LINGO2: variants seen among roughly 807,000 people sequenced by gnomAD.
The protein encoded by LINGO2 is leucine-rich repeat and immunoglobulin-like domain-containing nogo receptor-interacting protein 2.
In LINGO2, 14 loss-of-function variants were observed where a neutral mutation model predicts 30.6. That is an observed-to-expected ratio of 0.46 (90% confidence interval 0.30 to 0.72). The LOEUF (loss-of-function observed/expected upper bound fraction) is 0.72. LINGO2 is among the 30% of genes least tolerant of loss of function. LINGO2 has a pLI of 0.07. For synonymous variants in LINGO2, 317 were observed against 288.5 expected, an observed-to-expected ratio of 1.10 and a Z score of -1.00; for missense variants, 729 against 751.7, an observed-to-expected ratio of 0.97 and a Z score of 0.35.
the LINGO2 span, among the ~76,000 whole-genome samples, chr9:28,735,521 T>C: frequency 6.6e-6 from 1 of 152,182 alleles, no homozygotes; most frequent in Non-Finnish European, 1.5e-5. Context: ...GCTTCTATTA[T>C]GGCTCAAATC....
At chr9:28,958,339 A>G in the LINGO2 span, among the ~76,000 whole-genome samples, 1 of 152,238 alleles carries the variant, frequency 6.6e-6, no homozygotes, top group Non-Finnish European at 1.5e-5. Flanking sequence ...CAAATTATTA[A>G]CAAAATATTT....
At chr9:27,950,584 C>T (rs758345053) in exon 6 of LINGO2, 10 of 1,528,776 alleles carry the variant, frequency 6.5e-6, no homozygotes, top group South Asian at 3.9e-5. Context: ...TCACAGCGAG[C>T]GGGGCAGCCA....
chr9:28,788,964 T>A, the LINGO2 span, among the ~76,000 whole-genome samples: 1 of 152,100 alleles, frequency 6.6e-6, no homozygotes, highest in South Asian at 2.1e-4. Flanking sequence ...AAGTAAAGTA[T>A]TTTTTTTCTA....
intron 2 of LINGO2, among the ~76,000 whole-genome samples, chr9:28,452,779 C>A (rs1023103826): frequency 3.3e-5 from 5 of 151,646 alleles, no homozygotes; most frequent in Non-Finnish European, 7.4e-5. Flanking sequence ...ACAGTCTAGA[C>A]AAAATGTAAG....
At chr9:28,383,254 T>TTTTGTGTGTGTGTGTGTG (rs1554714265) in intron 2 of LINGO2, among the ~76,000 whole-genome samples, 28 of 73,710 alleles carry the variant, frequency 3.8e-4, no homozygotes, top group African/African-American at 9.0e-4. Flanking sequence ...TCACCATTCA[T>TTTTGTGTGTGTGTGTGTG]TGTGTGTGTG....
At chr9:29,142,198 C>T in the LINGO2 span, among the ~76,000 whole-genome samples, 1 of 150,100 alleles carries the variant, frequency 6.7e-6, no homozygotes, top group Non-Finnish European at 1.5e-5. Context: ...TGAAATCATA[C>T]CAAGTTTCTT....
At chr9:28,083,963 T>G (rs1825841010) in intron 4 of LINGO2, among the ~76,000 whole-genome samples, 1 of 152,194 alleles carries the variant, frequency 6.6e-6, no homozygotes, top group Admixed American at 6.5e-5. Flanking sequence ...TATAATCTGT[T>G]TTTTAATTAA....
the LINGO2 span, among the ~76,000 whole-genome samples, chr9:28,854,434 G>A: frequency 6.6e-6 from 1 of 151,928 alleles, no homozygotes; most frequent in South Asian, 2.1e-4. Flanking sequence ...GAAAAATTGT[G>A]CTTGTGCTTT....
chr9:28,732,301 C>A, the LINGO2 span, among the ~76,000 whole-genome samples: 2 of 151,882 alleles, frequency 1.3e-5, no homozygotes, highest in Non-Finnish European at 2.9e-5. Flanking sequence ...TTTTGCCAAC[C>A]CAGATGCAAA....
chr9:29,165,857 G>A, the LINGO2 span, among the ~76,000 whole-genome samples: 1 of 152,022 alleles, frequency 6.6e-6, no homozygotes. Flanking sequence ...GATCTTTGAA[G>A]TCTGATTTTC....
the LINGO2 span, among the ~76,000 whole-genome samples, chr9:29,031,542 C>CA: frequency 6.6e-6 from 1 of 151,994 alleles, no homozygotes. Flanking sequence ...CTCTGCCTCC[C>CA]AAAATGCTGA....
chr9:28,637,789 T>C (rs1474541307), intron 1 of LINGO2, among the ~76,000 whole-genome samples: 2 of 152,168 alleles, frequency 1.3e-5, no homozygotes, highest in Non-Finnish European at 2.9e-5. Flanking sequence ...TGACTTCCTC[T>C]TTTCCTAATT....
the LINGO2 span, among the ~76,000 whole-genome samples, chr9:29,188,697 G>C: frequency 1.5e-3 from 184 of 124,066 alleles, 3 homozygotes; most frequent in Middle Eastern, 4.0e-3. Flanking sequence ...CTGGCCAGGC[G>C]GGGGGCTGAC....
At chr9:28,567,421 T>C (rs916398126) in intron 1 of LINGO2, among the ~76,000 whole-genome samples, 2 of 151,968 alleles carry the variant, frequency 1.3e-5, no homozygotes, top group Admixed American at 6.6e-5. Context: ...TGGGCTGGAT[T>C]AAACAAAAAG....
At chr9:29,116,423 T>C in the LINGO2 span, among the ~76,000 whole-genome samples, 1 of 151,902 alleles carries the variant, frequency 6.6e-6, no homozygotes, top group Admixed American at 6.6e-5. Flanking sequence ...AAAATCCATA[T>C]AATTTGTATT....
At chr9:29,127,645 A>C in the LINGO2 span, among the ~76,000 whole-genome samples, 3 of 151,996 alleles carry the variant, frequency 2.0e-5, no homozygotes, top group Non-Finnish European at 2.9e-5. Context: ...ATCTTTCAGC[A>C]GCTGTTTCCT....
intron 4 of LINGO2, among the ~76,000 whole-genome samples, chr9:28,095,659 T>C (rs1826223013): frequency 1.3e-5 from 2 of 152,040 alleles, no homozygotes; most frequent in South Asian, 4.2e-4. Flanking sequence ...GGCAAGGACT[T>C]CATGTCTAAA....
the LINGO2 span, among the ~76,000 whole-genome samples, chr9:29,042,776 C>G: frequency 1.3e-5 from 2 of 151,880 alleles, no homozygotes; most frequent in Admixed American, 1.3e-4. Context: ...CTAATACACA[C>G]AATTTGGATA....
At chr9:27,981,544 AAAAAAAG>A (rs1820861266) in intron 5 of LINGO2, among the ~76,000 whole-genome samples, 28 of 121,478 alleles carry the variant, frequency 2.3e-4, no homozygotes, top group African/African-American at 6.5e-4. Flanking sequence ...CAAAAAAAAA[AAAAAAAG>A]AAAAAAAAGA....
Sources: gnomAD v4.1 joint callset for allele counts (sites outside exome capture counted in the v4.1 genomes callset) on GRCh38, gnomAD v4.1.1 for gene constraint, MANE v1.5 for transcripts, NCBI Gene and HGNC (gene_info 2026-07-23, HGNC 2026-07-21) for gene names.